The following FRYL variants were observed in gnomAD, a reference collection of about 807,000 sequenced individuals.
FRYL encodes FRY like transcription coactivator, also known as protein furry homolog-like.
FRYL carries 150 observed loss-of-function variants against 351.2 expected under a neutral mutation model. The ratio of observed to expected loss-of-function variants is 0.43; its 90% CI spans 0.37 to 0.49. The LOEUF is 0.49. Ranked by LOEUF, FRYL falls within the 20% of genes least tolerant of loss-of-function variation. The probability of loss-of-function intolerance (pLI) is 0.00; values close to 1 mark genes in which losing one functional copy is unlikely to be tolerated. For synonymous variants in FRYL, 1,153 were observed against 1,257.1 expected, an observed-to-expected ratio of 0.92 and a Z score of 1.75; for missense variants, 3,036 against 3,619.3, an observed-to-expected ratio of 0.84 and a Z score of 4.13.
rs115488667 is a variant in FRYL, at chr4:48,623,363, T to A, written c.121-184A>T. Reference sequence around the variant, plus strand: ...CCCAAGGTCACATGGTTAATTTAAGTGTGGCTCCAGAGGCAAGGCTCTCAC... The same window carrying A: ...CCCAAGGTCACATGGTTAATTTAAGAGTGGCTCCAGAGGCAAGGCTCTCAC... On this transcript the variant is annotated intron_variant, in intron 4 of 63. Transcript: ENST00000358350. Among the ~76,000 whole-genome samples, 473 of 152,280 alleles carry A rather than the reference T, an allele frequency of 3.1e-3. 5 individuals carry two copies. Among genetic ancestry groups the A allele is most frequent in the Non-Finnish European group, 5.1e-3 (345 of 68,016 alleles).
intron 20 of FRYL, among the ~76,000 whole-genome samples, chr4:48,582,258 C>T (rs1374954380): frequency 2.6e-5 from 4 of 152,140 alleles, no homozygotes; most frequent in African/African-American, 9.7e-5. Flanking sequence ...CTGGAATTAT[C>T]TCTAATTTCT....
Position 48,653,807 on chromosome 4 carries a change from A to AAGCAGCAGCAGC in FRYL, c.-80-19329_-80-19318dup, listed in dbSNP as rs67820516. ...AACATAGTGTCTCAATCAGCTGCAA[A>AAGCAGCAGCAGC]AGCAGCAGCAGCAGCAGCAGCAGCA... On this transcript the variant is annotated intron_variant, in intron 3 of 63. Transcript: ENST00000358350. 6 of 1,274,978 alleles carry AAGCAGCAGCAGC rather than the reference A, an allele frequency of 4.7e-6. No individual in the cohort carries two copies. The African/African-American group carries it at 7.7e-5, about 16-fold the overall frequency. The allele number at this position is 1,274,978 out of a possible 1,614,324, so 79.0% of individuals were successfully genotyped here.
At chr4:48,629,643 T>G (rs1271530503) in intron 4 of FRYL, among the ~76,000 whole-genome samples, 2 of 151,430 alleles carry the variant, frequency 1.3e-5, no homozygotes, top group Non-Finnish European at 1.5e-5. Context: ...GGACAGGAAG[T>G]TGGAATGGGG....
rs762748789 is a variant in FRYL at position 48,579,227 on chromosome 4, A to G, written c.2274T>C (p.Tyr758=). Residue 758 remains tyrosine, a synonymous_variant, in exon 23 of 64, where the codon TAT becomes TAC. Transcript: ENST00000358350. ...LTGADQTTLL[Y]CPSSIDLQTL... is the part of the protein sequence containing the mutation. ...TTTGTAAATCTATCGAGCTAGGGCA[A>G]TAGAGCAAAGTAGTCTATATGGAGA... 16 of 1,612,076 alleles carry G rather than the reference A, an allele frequency of 9.9e-6. No individual in the cohort carries two copies. The East Asian group carries it at 3.1e-4, about 31-fold the overall frequency.
intron 3 of FRYL, among the ~76,000 whole-genome samples, chr4:48,657,068 A>G (rs1263707314): frequency 2.0e-5 from 3 of 152,220 alleles, no homozygotes; most frequent in Non-Finnish European, 2.9e-5. Context: ...TTAGCAAAGT[A>G]TTAACTAGGA....
At chr4:48,571,394 A>G (rs535032689) in intron 26 of FRYL, among the ~76,000 whole-genome samples, 1 of 152,336 alleles carries the variant, frequency 6.6e-6, no homozygotes, top group African/African-American at 2.4e-5. Flanking sequence ...TTTACTCATT[A>G]TGATATGAAT....
intron 3 of FRYL, among the ~76,000 whole-genome samples, chr4:48,677,718 T>A (rs1763950690): frequency 6.6e-6 from 1 of 152,196 alleles, no homozygotes; most frequent in African/African-American, 2.4e-5. Context: ...CCCGAAAAAA[T>A]AACTTTTTAA....
At chr4:48,664,448 T>C (rs931418610) in intron 3 of FRYL, among the ~76,000 whole-genome samples, 6 of 152,228 alleles carry the variant, frequency 3.9e-5, no homozygotes, top group African/African-American at 1.4e-4. Flanking sequence ...CTGCTAGATA[T>C]TTCCTGATGT....
intron 3 of FRYL, among the ~76,000 whole-genome samples, chr4:48,680,334 A>G (rs761535099): frequency 1.3e-5 from 2 of 151,888 alleles, no homozygotes; most frequent in Non-Finnish European, 2.9e-5. Context: ...TCTTTTTCCT[A>G]ATTTTCCTTT....
intron 48 of FRYL, 152 bp downstream of exon 48, chr4:48,535,505 C>T: frequency 2.5e-6 from 1 of 400,432 alleles, no homozygotes; most frequent in Admixed American, 4.5e-5. Context: ...CAGTTAATAC[C>T]AGTGCTGCTT....
chr4:48,711,240 G>A (rs565035852), intron 1 of FRYL, among the ~76,000 whole-genome samples: 7 of 152,350 alleles, frequency 4.6e-5, no homozygotes, highest in East Asian at 1.9e-4. Context: ...CGCACCGTGC[G>A]CGAGCCGAAG....
Position 48,535,808 on chromosome 4 carries a change from C to A in FRYL, c.6413G>T (p.Cys2138Phe). 6.5e-7 allele frequency: 1 copy of A among 1,542,954 alleles called. No individual in the cohort carries two copies. The highest frequency in any genetic ancestry group is 8.8e-7 in the Non-Finnish European group (1 of 1,141,426). ...RIAKVCAEEK[C>F]PTLVNLAHMM... ...GTGTGCCAGATTGACAAGTGTTGGG[C>A]ATTTTTCTTCTGCACAAACCTAGAA... The change falls in exon 48 of 64, where the codon TGC becomes TTC. Residue 2138 changes from cysteine (C) to phenylalanine (F), a missense_variant. Around this residue, in one of 7 missense-constraint regions of FRYL, gnomAD observed 1,987 missense variants for 2,311.7 expected, o/e 0.86. Transcript: ENST00000358350.
At chr4:48,622,245 T>C (rs1356843608) in intron 5 of FRYL, among the ~76,000 whole-genome samples, 1 of 152,214 alleles carries the variant, frequency 6.6e-6, no homozygotes, top group African/African-American at 2.4e-5. Context: ...GGATTCAAGA[T>C]GTGAATAATC....
chr4:48,703,114 T>A (rs1235371563), intron 2 of FRYL, among the ~76,000 whole-genome samples: 1 of 152,132 alleles, frequency 6.6e-6, no homozygotes, highest in Admixed American at 6.5e-5. Flanking sequence ...CCAGATGGGA[T>A]CTCATTCTTC....
intron 1 of FRYL, among the ~76,000 whole-genome samples, chr4:48,713,417 T>C (rs912719674): frequency 6.6e-6 from 1 of 151,862 alleles, no homozygotes; most frequent in African/African-American, 2.4e-5. Context: ...AATAAAGGGA[T>C]GGAGGAAGAT....
chr4:48,767,513 C>T (rs190771178), intron 1 of FRYL, among the ~76,000 whole-genome samples: 43 of 152,232 alleles, frequency 2.8e-4, no homozygotes, highest in African/African-American at 1.0e-3. Flanking sequence ...TTTACAACCA[C>T]GTGGATGAAC....
chr4:48,573,265 T>G, intron 25 of FRYL, 22 bp from the exon 26 acceptor site: 1 of 1,467,716 alleles, frequency 6.8e-7, no homozygotes, highest in South Asian at 1.1e-5. Flanking sequence ...ATGGTACATA[T>G]TCTATTAATA....
At position 48,634,203 on chromosome 4, in the gene FRYL, T is replaced by C. The variant is rs1041200058; in HGVS notation, c.120+88A>G. On this transcript the variant is annotated intron_variant, in intron 4 of 63. Coordinates refer to ENST00000358350, the MANE Select transcript of FRYL (RefSeq NM_015030.2). Reference sequence around the variant, plus strand: ...ACTATCCCTTAATATTTTTTTCAAGTATATTATTTCCTTTGAAAAATCTGC... The same window carrying C: ...ACTATCCCTTAATATTTTTTTCAAGCATATTATTTCCTTTGAAAAATCTGC... 3.2e-6 allele frequency: 3 copies of C among 948,554 alleles called. No individual in the cohort carries two copies. The East Asian group carries it at 7.3e-5, about 23-fold the overall frequency. The allele number at this position is 948,554 out of a possible 1,614,324, so 58.8% of individuals were successfully genotyped here. A position where few individuals can be genotyped will look rare whatever the true frequency, so the allele number is the denominator to read the frequency against.
intron 19 of FRYL, among the ~76,000 whole-genome samples, chr4:48,583,164 T>C (rs1484275733): frequency 1.3e-5 from 2 of 152,136 alleles, no homozygotes; most frequent in Admixed American, 6.5e-5. Flanking sequence ...TTCTTTTTTT[T>C]TTTTTGAGAC....
Sources: gnomAD v4.1 joint callset for allele counts (sites outside exome capture counted in the v4.1 genomes callset) on GRCh38, gnomAD v4.1.1 for gene constraint, gnomAD v4.1.1 regional missense constraint, MANE v1.5 for transcripts, NCBI Gene and HGNC (gene_info 2026-07-23, HGNC 2026-07-21) for gene names.